The following GJC1 variants were observed in gnomAD, a reference collection of about 807,000 sequenced individuals.
GJC1 encodes the protein gap junction gamma-1 protein.
Under a neutral mutation model 29.3 loss-of-function variants are expected in GJC1, and 5 were observed. The ratio of observed to expected loss-of-function variants is 0.17; its 90% CI spans 0.09 to 0.36. The LOEUF (loss-of-function observed/expected upper bound fraction) is 0.36, where lower values mean the gene tolerates loss of function less well. Among genes scored for constraint, GJC1 ranks in the 10% least tolerant of loss-of-function variants. The probability of loss-of-function intolerance (pLI) is 1.00; values close to 1 mark genes in which losing one functional copy is unlikely to be tolerated. For missense variants in GJC1, 310 were observed against 496.2 expected (o/e 0.62, Z 3.56); for synonymous variants, 177 against 183.3 (o/e 0.97, Z 0.28).
At chr17:44,806,147 C>T (rs1366401807) in intron 2 of GJC1, among the ~76,000 whole-genome samples, 2 of 152,074 alleles carry the variant, frequency 1.3e-5, no homozygotes, top group African/African-American at 4.8e-5. Flanking sequence ...GTGGTGTGCA[C>T]CTGTAATCCC....
chr17:44,809,169 G>A (rs958402324), intron 1 of GJC1, among the ~76,000 whole-genome samples: 1 of 152,170 alleles, frequency 6.6e-6, no homozygotes, highest in African/African-American at 2.4e-5. Context: ...GCTGAAGGAG[G>A]AGGATCACTT....
chr17:44,825,368 T>C (rs2050162265), intron 1 of GJC1, among the ~76,000 whole-genome samples: 1 of 152,084 alleles, frequency 6.6e-6, no homozygotes, highest in South Asian at 2.1e-4. Context: ...TGCATGCCTG[T>C]AATCCCAGCT....
At chr17:44,810,774 T>C (rs932278885) in intron 1 of GJC1, among the ~76,000 whole-genome samples, 4 of 151,858 alleles carry the variant, frequency 2.6e-5, no homozygotes, top group African/African-American at 9.7e-5. Flanking sequence ...GGACATCAAT[T>C]AATTCATTTT....
rs760698597 is a variant in GJC1, at chr17:44,818,528, AGGCAT to A, written c.-96-11064_-96-11060del. Among the ~76,000 whole-genome samples, 1,432 of 148,996 alleles carry A rather than the reference AGGCAT, an allele frequency of 9.6e-3. 10 individuals are homozygous for A. Among genetic ancestry groups the A allele is most frequent in the Middle Eastern group, 0.017 (5 of 290 alleles). ...CATGTTAAAAAAAAAAAAAAAGGCC[AGGCAT>A]GGTGGCTCACATCTGTAATCCTAGC... On this transcript the variant is annotated intron_variant, in intron 1 of 2. Transcript: ENST00000592524.
At chr17:44,826,999 A>G (rs2050183110) in intron 1 of GJC1, among the ~76,000 whole-genome samples, 1 of 152,124 alleles carries the variant, frequency 6.6e-6, no homozygotes, top group Non-Finnish European at 1.5e-5. Context: ...CCTATTCTCA[A>G]AGGAACGGTC....
intron 1 of GJC1, among the ~76,000 whole-genome samples, chr17:44,825,232 G>A (rs2050160767): frequency 6.7e-6 from 1 of 149,256 alleles, no homozygotes; most frequent in Non-Finnish European, 1.5e-5. Context: ...GGGCGCAGTG[G>A]CTCATGCCTG....
At chr17:44,808,626 G>T (rs2049939927) in intron 1 of GJC1, among the ~76,000 whole-genome samples, 1 of 152,032 alleles carries the variant, frequency 6.6e-6, no homozygotes, top group African/African-American at 2.4e-5. Context: ...AATTAGCATG[G>T]TGACGCACAC....
intron 1 of GJC1, among the ~76,000 whole-genome samples, chr17:44,825,298 A>C (rs1305197551): frequency 6.7e-6 from 1 of 150,366 alleles, no homozygotes; most frequent in East Asian, 2.0e-4. Context: ...TCAGGAGACC[A>C]GCCTGACCAA....
At chr17:44,796,246 C>A (rs900020358), downstream of GJC1, among the ~76,000 whole-genome samples, 4 of 152,234 alleles carry the variant, frequency 2.6e-5, no homozygotes, top group East Asian at 1.9e-4. Flanking sequence ...TCCCTTCCCC[C>A]CTTCCATATC....
rs568428612 is a variant in GJC1 at position 44,804,233 on chromosome 17, T to C, written c.*394A>G. The C allele has an allele frequency of 1.8e-5, 3 of 164,744 alleles. No individual in the cohort carries two copies. Among genetic ancestry groups the C allele is most frequent in the East Asian group, 3.6e-4 (2 of 5,604 alleles). 10.2% of individuals were successfully genotyped at this position (164,744 alleles called of 1,614,324 possible). ...TAATAGGCATTATTTATAAGGACTT[T>C]TTCCCCTTTAATATAAAAGTATAAC... On this transcript the variant is annotated 3_prime_UTR_variant, in exon 3 of 3. Transcript: ENST00000592524.
At position 44,803,463 on chromosome 17, in the gene GJC1, C is replaced by T. The variant is rs2049875875; in HGVS notation, c.*1164G>A. ...ACTTCTCTTTAGGTCTATTTACAGA[C>T]AGGACCCCATGACCTTTCAGGCATA... On this transcript the variant is annotated 3_prime_UTR_variant, in exon 3 of 3. Coordinates refer to ENST00000592524, the MANE Select transcript of GJC1 (RefSeq NM_005497.4). The T allele has an allele frequency of 6.6e-6, 1 of 152,212 alleles. No homozygotes were observed. The highest frequency in any genetic ancestry group is 1.5e-5 in the Non-Finnish European group (1 of 68,032). 9.4% of individuals were successfully genotyped at this position (152,212 alleles called of 1,614,324 possible). A position where few individuals can be genotyped will look rare whatever the true frequency, so the allele number is the denominator to read the frequency against.
rs950984993 is a variant in GJC1, at chr17:44,800,337, T to A, written c.*4290A>T. ...GTTGGCCAGGCTGGTCTCAAACTCC[T>A]GACCTTGTGATTCGCCCACCTTGGC... On this transcript the variant is annotated 3_prime_UTR_variant, in exon 3 of 3. Transcript: ENST00000592524. 6.6e-6 allele frequency: 1 copy of A among 152,182 alleles called. No individual in the cohort carries two copies. Among genetic ancestry groups the A allele is most frequent in the Admixed American group, 6.5e-5 (1 of 15,268 alleles). 9.4% of individuals were successfully genotyped at this position (152,182 alleles called of 1,614,324 possible). A position where few individuals can be genotyped will look rare whatever the true frequency, so the allele number is the denominator to read the frequency against.
chr17:44,809,877 T>C (rs908545345), intron 1 of GJC1, among the ~76,000 whole-genome samples: 2 of 140,294 alleles, frequency 1.4e-5, no homozygotes, highest in East Asian at 2.2e-4. Flanking sequence ...TTTTTTTTTT[T>C]CCAGACAGTC....
intron 1 of GJC1, among the ~76,000 whole-genome samples, chr17:44,817,101 C>G (rs1343526579): frequency 6.6e-6 from 1 of 151,394 alleles, no homozygotes; most frequent in African/African-American, 2.4e-5. Context: ...CCCAGCTACT[C>G]AGGAGGCTGA....
intron 1 of GJC1, among the ~76,000 whole-genome samples, chr17:44,826,528 TAAAA>T (rs528084857): frequency 1.7e-5 from 2 of 118,092 alleles, no homozygotes; most frequent in African/African-American, 3.1e-5. Flanking sequence ...AGACTCCGTC[TAAAA>T]AAAAAAAAAA....
At position 44,803,346 on chromosome 17, in the gene GJC1, T is replaced by C. The variant is rs2049874001; in HGVS notation, c.*1281A>G. 1.3e-5 allele frequency: 2 copies of C among 151,968 alleles called. No homozygotes were observed. Among genetic ancestry groups the C allele is most frequent in the African/African-American group, 4.8e-5 (2 of 41,366 alleles). 9.4% of individuals were successfully genotyped at this position (151,968 alleles called of 1,614,324 possible). On this transcript the variant is annotated 3_prime_UTR_variant, in exon 3 of 3. Coordinates refer to ENST00000592524, the MANE Select transcript of GJC1 (RefSeq NM_005497.4). ...AAGCTCTCCAACATAAGGCTGAAAA[T>C]GACAATAAAAGACTGCAATAAAAGA...
In GJC1 at chr17:44,828,749, G is replaced by A. The variant is rs148052362; in HGVS notation, c.-97+1313C>T. On this transcript the variant is annotated intron_variant, in intron 1 of 2. Transcript: ENST00000592524. ...ACAACTCACAATATTTTAATCAGGA[G>A]CTCTGGAAGTAAGGGTATTTTTCTG... is the stretch of plus-strand genomic sequence containing the variant. Among the ~76,000 whole-genome samples, 549 of 152,116 alleles carry A rather than the reference G, an allele frequency of 3.6e-3. 1 individual carries two copies. Among genetic ancestry groups the A allele is most frequent in the African/African-American group, 0.013 (534 of 41,498 alleles).
At chr17:44,806,966 G>A (rs1282567835) in intron 2 of GJC1, among the ~76,000 whole-genome samples, 1 of 152,156 alleles carries the variant, frequency 6.6e-6, no homozygotes, top group African/African-American at 2.4e-5. Flanking sequence ...AGGGAACTAG[G>A]AAGATCTTCC....
chr17:44,800,980 G>A lies in GJC1; in HGVS notation c.*3647C>T, dbSNP rs879775569. ...TTCTTTTACAAATCTTCTGAATAACGGGTTTTAAGAGCAGGCCAGGCGCGG... is the reference window on the plus strand; with the variant it reads ...TTCTTTTACAAATCTTCTGAATAACAGGTTTTAAGAGCAGGCCAGGCGCGG... On this transcript the variant is annotated 3_prime_UTR_variant, in exon 3 of 3. Transcript: ENST00000592524. The A allele has an allele frequency of 1.3e-5, 2 of 151,378 alleles. No homozygotes were observed. The highest frequency in any genetic ancestry group is 1.9e-4 in the East Asian group (1 of 5,148). The allele number at this position is 151,378 out of a possible 1,614,324, so 9.4% of individuals were successfully genotyped here. A position where few individuals can be genotyped will look rare whatever the true frequency, so the allele number is the denominator to read the frequency against.
Sources: gnomAD v4.1 joint callset for allele counts (sites outside exome capture counted in the v4.1 genomes callset) on GRCh38, gnomAD v4.1.1 for gene constraint, MANE v1.5 for transcripts, NCBI Gene and HGNC (gene_info 2026-07-23, HGNC 2026-07-21) for gene names.